KIAA1217: variants seen among roughly 807,000 people sequenced by gnomAD.
KIAA1217 encodes KIAA1217, also known as sickle tail protein homolog.
Under a neutral mutation model 163.9 loss-of-function variants are expected in KIAA1217, and 88 were observed. The observed-to-expected ratio is 0.54, with a 90% CI of 0.45 to 0.64. The LOEUF (loss-of-function observed/expected upper bound fraction) is 0.64, where lower values mean the gene tolerates loss of function less well. Ranked by LOEUF, KIAA1217 falls within the 30% of genes least tolerant of loss-of-function variation. The pLI, the probability that KIAA1217 is intolerant of heterozygous loss-of-function variation, is 0.00. For missense variants in KIAA1217, 2,372 were observed against 2,475.0 expected, an observed-to-expected ratio of 0.96 and a Z score of 0.88; for synonymous variants, 903 against 923.1, an observed-to-expected ratio of 0.98 and a Z score of 0.39.
chr10:24,434,861 T>C (rs879560745), intron 4 of KIAA1217, among the ~76,000 whole-genome samples: 4 of 152,224 alleles, frequency 2.6e-5, no homozygotes, highest in African/African-American at 9.7e-5. Flanking sequence ...GAGGGACTTA[T>C]TCAAAAGCAC....
intron 2 of KIAA1217, among the ~76,000 whole-genome samples, chr10:24,154,339 AT>A (rs1465537297): frequency 6.7e-6 from 1 of 149,380 alleles, no homozygotes; most frequent in Non-Finnish European, 1.5e-5. Flanking sequence ...AGGTATGAGG[AT>A]TGCTTGAGCC....
At chr10:24,031,361 C>A (rs1269630949) in intron 2 of KIAA1217, among the ~76,000 whole-genome samples, 3 of 152,130 alleles carry the variant, frequency 2.0e-5, no homozygotes, top group Admixed American at 1.3e-4. Flanking sequence ...AGTGCAGTGG[C>A]ACAATTACTG....
intron 2 of KIAA1217, among the ~76,000 whole-genome samples, chr10:24,120,262 T>C (rs1273915989): frequency 6.6e-6 from 1 of 152,224 alleles, no homozygotes; most frequent in Admixed American, 6.5e-5. Flanking sequence ...AGTCCCACTG[T>C]GAACAATGGG....
chr10:24,467,907 G>A (rs942709678), intron 5 of KIAA1217, among the ~76,000 whole-genome samples: 2 of 151,904 alleles, frequency 1.3e-5, no homozygotes, highest in Admixed American at 6.6e-5. Flanking sequence ...GAGTACCAGC[G>A]CAGGAAAAAC....
intron 1 of KIAA1217, among the ~76,000 whole-genome samples, chr10:23,862,186 T>C (rs77821108): frequency 0.013 from 1,941 of 152,322 alleles, 58 homozygotes; most frequent in African/African-American, 0.044. Context: ...TGGCATTTTA[T>C]ACCTAGTTTA....
At chr10:23,866,787 C>T (rs114266462) in intron 1 of KIAA1217, among the ~76,000 whole-genome samples, 471 of 152,184 alleles carry the variant, frequency 3.1e-3, no homozygotes, top group African/African-American at 0.011. Context: ...GTTGGCCATA[C>T]ATTATAGAGC....
In KIAA1217 at chr10:24,296,656, C is replaced by G. The variant is rs553620006; in HGVS notation, c.354+76747C>G. ...CCATTTTCCTATGACCATTTTGAGT[C>G]TTAAAAACGTGGAAACCCTTTTCTT... is the stretch of plus-strand genomic sequence containing the variant. On this transcript the variant is annotated intron_variant, in intron 2 of 20. Transcript: ENST00000376454. Among the ~76,000 whole-genome samples the G allele has an allele frequency of 3.3e-5, 5 of 152,308 alleles. No individual in the cohort carries two copies. The South Asian group carries it at 1.0e-3, about 32-fold the overall frequency.
intron 1 of KIAA1217, among the ~76,000 whole-genome samples, chr10:23,975,729 C>T (rs1165545315): frequency 1.3e-5 from 2 of 152,160 alleles, no homozygotes; most frequent in Non-Finnish European, 2.9e-5. Context: ...TACCACTGAA[C>T]AACACACCTC....
At chr10:23,921,703 C>G (rs147601085) in intron 1 of KIAA1217, among the ~76,000 whole-genome samples, 16 of 152,194 alleles carry the variant, frequency 1.1e-4, no homozygotes, top group Non-Finnish European at 4.4e-5. Flanking sequence ...GGTGCACCCC[C>G]CTGGCTGTTT....
At chr10:24,388,903 C>T (rs188394983) in intron 3 of KIAA1217, among the ~76,000 whole-genome samples, 3,453 of 138,124 alleles carry the variant, frequency 0.025, 98 homozygotes, top group Non-Finnish European at 0.038. Context: ...AGTCAGGAAA[C>T]GACATGTGCT....
At chr10:24,520,683 C>CA (rs1392742371) in intron 11 of KIAA1217, among the ~76,000 whole-genome samples, 5 of 98,918 alleles carry the variant, frequency 5.1e-5, no homozygotes, top group African/African-American at 1.8e-4. Context: ...TATACACACA[C>CA]ACACAAAAAA....
At chr10:23,803,301 T>C (rs1195707868) in intron 1 of KIAA1217, among the ~76,000 whole-genome samples, 1 of 152,222 alleles carries the variant, frequency 6.6e-6, no homozygotes, top group Non-Finnish European at 1.5e-5. Flanking sequence ...CCCCAGCTGC[T>C]GGGAATGCCC....
intron 2 of KIAA1217, among the ~76,000 whole-genome samples, chr10:24,160,158 T>G (rs185085447): frequency 6.6e-6 from 1 of 152,330 alleles, no homozygotes; most frequent in East Asian, 1.9e-4. Context: ...TTCTCTAACT[T>G]TGCTCTTCTT....
At chr10:23,979,324 T>C (rs1564582400) in intron 1 of KIAA1217, among the ~76,000 whole-genome samples, 2 of 152,172 alleles carry the variant, frequency 1.3e-5, no homozygotes, top group Non-Finnish European at 2.9e-5. Flanking sequence ...CCAGTCCCAG[T>C]GAGTGGAAGA....
At chr10:24,169,890 T>TA (rs1035960965) in intron 2 of KIAA1217, among the ~76,000 whole-genome samples, 40 of 151,886 alleles carry the variant, frequency 2.6e-4, no homozygotes, top group African/African-American at 9.4e-4. Context: ...AAAAGAAAAT[T>TA]AAAAAAACGA....
In KIAA1217 at chr10:23,815,147, C is replaced by T. The variant is rs527456068; in HGVS notation, c.-321+119913C>T. 2.6e-4 allele frequency among the ~76,000 whole-genome samples: 40 copies of T among 151,656 alleles called. 1 individual carries two copies. Among genetic ancestry groups the T allele is most frequent in the African/African-American group, 9.7e-4 (40 of 41,356 alleles). On this transcript the variant is annotated intron_variant, in intron 1 of 18. Transcript: ENST00000376462. ...TATTATTATCTTGTTGTGATAACAGCACAAAAAATGAAGAACTTAAAATTG... is the reference window on the plus strand; with the variant it reads ...TATTATTATCTTGTTGTGATAACAGTACAAAAAATGAAGAACTTAAAATTG...
intron 1 of KIAA1217, among the ~76,000 whole-genome samples, chr10:23,858,944 G>C (rs189897689): frequency 1.3e-5 from 2 of 151,978 alleles, no homozygotes; most frequent in African/African-American, 2.4e-5. Context: ...TTCCTCCCTC[G>C]TAACTTAATT....
At chr10:24,166,486 C>T (rs2065349262) in intron 2 of KIAA1217, among the ~76,000 whole-genome samples, 2 of 152,008 alleles carry the variant, frequency 1.3e-5, no homozygotes, top group Non-Finnish European at 2.9e-5. Flanking sequence ...TCCTGTAATC[C>T]CAGCACTTTG....
chr10:24,247,023 A>T (rs1456407778), intron 2 of KIAA1217, among the ~76,000 whole-genome samples: 2 of 150,080 alleles, frequency 1.3e-5, no homozygotes, highest in African/African-American at 4.8e-5. Context: ...AAAAAAAAAA[A>T]CAACCATATA....
Sources: allele counts gnomAD v4.1 joint callset (sites outside exome capture counted in the v4.1 genomes callset), GRCh38; gene constraint gnomAD v4.1.1; transcripts MANE v1.5; gene names NCBI Gene and HGNC (gene_info 2026-07-23, HGNC 2026-07-21).